IGHMBP2: variants seen among roughly 807,000 people sequenced by gnomAD.
The protein encoded by IGHMBP2 is immunoglobulin mu DNA binding protein 2.
Under a neutral mutation model 96.0 loss-of-function variants are expected in IGHMBP2, and 81 were observed. That is an observed-to-expected ratio of 0.84 (90% CI 0.71 to 1.01). The LOEUF (loss-of-function observed/expected upper bound fraction) is 1.01, where lower values mean the gene tolerates loss of function less well. IGHMBP2 is among the 50% of genes least tolerant of loss of function. IGHMBP2 has a pLI of 0.00. For missense variants in IGHMBP2, 1,227 were observed against 1,306.3 expected (o/e 0.94, Z 0.94); for synonymous variants, 557 against 548.9 (o/e 1.01, Z -0.21).
At chr11:68,930,988 G>A (rs539641518) in intron 8 of IGHMBP2, among the ~76,000 whole-genome samples, 4 of 152,156 alleles carry the variant, frequency 2.6e-5, no homozygotes, top group African/African-American at 9.7e-5. Flanking sequence ...TGTGCCAATT[G>A]GTCCATGGGT....
In IGHMBP2 at chr11:68,908,170, T is replaced by A; in HGVS notation, c.282T>A (p.Ala94=). ...TSGDIVGLYD[A]ANEGSQLATG... Reference sequence around the variant, plus strand: ...GTGATATCGTGGGCCTGTACGATGCTGCTAATGAGGGCAGTCAGCTGGCCA... The same window carrying A: ...GTGATATCGTGGGCCTGTACGATGCAGCTAATGAGGGCAGTCAGCTGGCCA... The change falls in exon 3 of 15, where the codon GCT becomes GCA. Residue 94 remains alanine, a synonymous_variant. Transcript: ENST00000255078. The A allele has an allele frequency of 2.5e-6, 4 of 1,614,136 alleles. No individual in the cohort carries two copies. The highest frequency in any genetic ancestry group is 3.4e-6 in the Non-Finnish European group (4 of 1,180,022).
chr11:68,938,758 G>A (rs1436639679), intron 14 of IGHMBP2, among the ~76,000 whole-genome samples: 3 of 152,104 alleles, frequency 2.0e-5, no homozygotes, highest in African/African-American at 7.2e-5. Flanking sequence ...GAACCCCCTG[G>A]GCCAGGTGTG....
chr11:68,937,892 G>A, intron 13 of IGHMBP2: 1 of 469,612 alleles, frequency 2.1e-6, no homozygotes. Context: ...CTAGAGGACA[G>A]GACTGATGCC....
chr11:68,904,075 G>C (rs1472285710), intron 1 of IGHMBP2, 37 bp downstream of exon 1: 1 of 1,483,030 alleles, frequency 6.7e-7, no homozygotes, highest in Admixed American at 2.0e-5. Flanking sequence ...CTCGCGGTCG[G>C]TCCCGCCGTG....
intron 5 of IGHMBP2, among the ~76,000 whole-genome samples, chr11:68,914,301 AAAAG>A (rs1196681790): frequency 2.0e-5 from 3 of 151,710 alleles, no homozygotes; most frequent in Non-Finnish European, 4.4e-5. Flanking sequence ...TCAAAAAAAA[AAAAG>A]AAAGAAAGAA....
At chr11:68,934,702 C>A in intron 11 of IGHMBP2, 144 bp downstream of exon 11, 1 of 724,600 alleles carries the variant, frequency 1.4e-6, no homozygotes, top group Non-Finnish European at 2.4e-6. Context: ...ATCCAGGGCC[C>A]AAATGATGTC....
At chr11:68,931,169 A>G (rs555037000) in intron 8 of IGHMBP2, among the ~76,000 whole-genome samples, 1 of 151,808 alleles carries the variant, frequency 6.6e-6, no homozygotes, top group East Asian at 2.0e-4. Flanking sequence ...CTCCAATCCC[A>G]CTCTGAGATC....
At chr11:68,931,491 C>T (rs1459910746) in intron 8 of IGHMBP2, among the ~76,000 whole-genome samples, 3 of 152,194 alleles carry the variant, frequency 2.0e-5, no homozygotes, top group Non-Finnish European at 4.4e-5. Flanking sequence ...CACCGGGAGA[C>T]GCAGATCCAC....
In IGHMBP2 at chr11:68,936,360, T is replaced by G; in HGVS notation, c.1880T>G (p.Val627Gly). 1 of 1,614,174 alleles carries G rather than the reference T, an allele frequency of 6.2e-7. No homozygotes were observed. Among genetic ancestry groups the G allele is most frequent in the Non-Finnish European group, 8.5e-7 (1 of 1,180,020 alleles). The stretch of plus-strand genomic sequence containing the variant: ...AACCATGCATTTTTGAAGACCCTGG[T>G]GGAGTATTTCACACAGCATGGGGAA... Reference protein sequence around the residue: ...VNNHAFLKTLVEYFTQHGEVR... With the variant: ...VNNHAFLKTLGEYFTQHGEVR... Residue 627 changes from valine (V) to glycine (G), a missense_variant, in exon 13 of 15, where the codon GTG (valine) becomes GGG (glycine). Val to Gly is a moderately radical substitution (Grantham distance 109). This residue lies in a region of IGHMBP2 where 703 missense variants were observed against 770.3 expected (regional missense o/e 0.91). Transcript: ENST00000255078.
At chr11:68,914,583 A>G (rs1282646484) in intron 5 of IGHMBP2, among the ~76,000 whole-genome samples, 1 of 152,166 alleles carries the variant, frequency 6.6e-6, no homozygotes, top group Non-Finnish European at 1.5e-5. Flanking sequence ...TAACCAACTC[A>G]ATTAGATCCC....
chr11:68,920,454 C>T (rs1858837312), intron 7 of IGHMBP2, among the ~76,000 whole-genome samples: 1 of 152,122 alleles, frequency 6.6e-6, no homozygotes, highest in African/African-American at 2.4e-5. Flanking sequence ...TTTCTTAGAA[C>T]CTATTTGTGT....
Position 68,933,385 on chromosome 11 carries a change from A to G in IGHMBP2, c.1322A>G (p.Gln441Arg), listed in dbSNP as rs1298805149. 2.5e-6 allele frequency: 4 copies of G among 1,613,036 alleles called. No homozygotes were observed. Among genetic ancestry groups the G allele is most frequent in the Non-Finnish European group, 8.5e-7 (1 of 1,179,858 alleles). The change falls in exon 9 of 15, where the codon CAG becomes CGG. Residue 441 changes from glutamine (Q) to arginine (R), a missense_variant. By Grantham distance (43) the Gln-to-Arg change is conservative (BLOSUM62 1). Transcript: ENST00000255078. ...AGGGTGGTGCGGACACTGACGGTGC[A>G]GTACCGCATGCACCAGGCTATCATG... ...GARVVRTLTVQYRMHQAIMRW... is the reference protein window; with the variant it reads ...GARVVRTLTVRYRMHQAIMRW...
intron 5 of IGHMBP2, among the ~76,000 whole-genome samples, chr11:68,913,308 G>T (rs192070170): frequency 6.6e-6 from 1 of 152,258 alleles, no homozygotes; most frequent in African/African-American, 2.4e-5. Context: ...TTCACTAAAA[G>T]TGAGCCAAGA....
chr11:68,915,020 C>T lies in IGHMBP2; in HGVS notation c.909C>T (p.Val303=). ...ATATCAGGAAGGACATCGACCAGGT[C>T]TTTGTAGGTGTCATGGCCAGTGTCC... ...VADIRKDIDQ[V]FVKNKKTQDK... is the part of the protein sequence containing the mutation. Residue 303 remains valine (V), a synonymous_variant, in exon 6 of 15, where the codon GTC becomes GTT. Coordinates refer to ENST00000255078, the MANE Select transcript of IGHMBP2 (RefSeq NM_002180.3). The T allele has an allele frequency of 6.2e-7, 1 of 1,613,780 alleles. No individual in the cohort carries two copies. The highest frequency in any genetic ancestry group is 8.5e-7 in the Non-Finnish European group (1 of 1,179,836).
chr11:68,917,334 AT>A (rs1203744302), intron 6 of IGHMBP2, among the ~76,000 whole-genome samples: 5 of 152,002 alleles, frequency 3.3e-5, no homozygotes, highest in Non-Finnish European at 7.4e-5. Context: ...GGTTGAAAAA[AT>A]TTTTTTTAAT....
In IGHMBP2 at chr11:68,933,397, A is replaced by G. The variant is rs571142182; in HGVS notation, c.1334A>G (p.His445Arg). 6 of 1,613,056 alleles carry G rather than the reference A, an allele frequency of 3.7e-6. No homozygotes were observed. The African/African-American group carries it at 6.7e-5, about 18-fold the overall frequency. Residue 445 changes from histidine to arginine, a missense_variant, in exon 9 of 15, where the codon CAC becomes CGC. By Grantham distance (29) the His-to-Arg change is conservative. Around this residue, in one of 3 missense-constraint regions of IGHMBP2, gnomAD observed 703 missense variants for 770.3 expected, o/e 0.91. Coordinates refer to ENST00000255078, the MANE Select transcript of IGHMBP2 (RefSeq NM_002180.3). Reference sequence around the variant, plus strand: ...ACACTGACGGTGCAGTACCGCATGCACCAGGCTATCATGCGCTGGGCCTCA... The same window carrying G: ...ACACTGACGGTGCAGTACCGCATGCGCCAGGCTATCATGCGCTGGGCCTCA... Reference protein sequence around the residue: ...VRTLTVQYRMHQAIMRWASDT... With the variant: ...VRTLTVQYRMRQAIMRWASDT...
chr11:68,915,099 T>G, intron 6 of IGHMBP2, 76 bp downstream of exon 6: 1 of 1,144,016 alleles, frequency 8.7e-7, no homozygotes, highest in Non-Finnish European at 1.3e-6. Flanking sequence ...AATTTATCTG[T>G]CTGCATTCCT....
intron 10 of IGHMBP2, 25 bp downstream of exon 10, chr11:68,933,938 CT>C: frequency 1.3e-6 from 2 of 1,483,422 alleles, no homozygotes; most frequent in East Asian, 2.4e-5. Flanking sequence ...AGATGGCCAG[CT>C]TTTTTGTTTA....
chr11:68,932,688 GTT>G, intron 8 of IGHMBP2: 2 of 160,154 alleles, frequency 1.2e-5, no homozygotes, highest in East Asian at 1.8e-4. Context: ...GAGTGTGTTC[GTT>G]CCCTGTTATG....
Sources: gnomAD v4.1 joint callset for allele counts (sites outside exome capture counted in the v4.1 genomes callset) on GRCh38, gnomAD v4.1.1 for gene constraint, gnomAD v4.1.1 regional missense constraint, MANE v1.5 for transcripts, NCBI Gene and HGNC (gene_info 2026-07-23, HGNC 2026-07-21) for gene names.